The following CUX2 variants were observed in gnomAD, a reference collection of about 807,000 sequenced individuals.
The protein encoded by CUX2 is homeobox protein cut-like 2.
Under a neutral mutation model 144.8 loss-of-function variants are expected in CUX2, and 40 were observed. The observed-to-expected ratio is 0.28, with a 90% CI of 0.21 to 0.36. The LOEUF (loss-of-function observed/expected upper bound fraction) is 0.36, where lower values mean the gene tolerates loss of function less well. Ranked by LOEUF, CUX2 falls within the 10% of genes least tolerant of loss-of-function variation. The probability of loss-of-function intolerance (pLI) is 1.00; values close to 1 mark genes in which losing one functional copy is unlikely to be tolerated. For missense variants in CUX2, 1,615 were observed against 1,994.0 expected (o/e 0.81, Z 3.62); for synonymous variants, 827 against 875.6 (o/e 0.94, Z 0.98).
At position 111,068,172 on chromosome 12, in the gene CUX2, CA is replaced by C. The variant is rs1406832378; in HGVS notation, c.63+33939del. ...GTTCTCCCCGCTTTATCTTTGATCT[CA>C]AAAAAAGATCATCTTGGAAAAGATT... On this transcript the variant is annotated intron_variant, in intron 1 of 21. Coordinates refer to ENST00000261726, the MANE Select transcript of CUX2 (RefSeq NM_015267.4). This position sits in a 1 kb window ranked among gnomAD's most constrained non-coding sequence, Gnocchi z 4.9. Among the ~76,000 whole-genome samples, 1 of 152,154 alleles carries C rather than the reference CA, an allele frequency of 6.6e-6. No individual in the cohort carries two copies. Among genetic ancestry groups the C allele is most frequent in the African/African-American group, 2.4e-5 (1 of 41,524 alleles).
chr12:111,098,169 G>A (rs1872947186), intron 1 of CUX2, among the ~76,000 whole-genome samples: 1 of 152,136 alleles, frequency 6.6e-6, no homozygotes, highest in Non-Finnish European at 1.5e-5. Flanking sequence ...GGAGGCCGAG[G>A]CAAGTGGATC....
At chr12:111,054,553 A>AG (rs202170269) in intron 1 of CUX2, among the ~76,000 whole-genome samples, 5,999 of 152,270 alleles carry the variant, frequency 0.039, 404 homozygotes, top group African/African-American at 0.14. Flanking sequence ...GCACTTGCCA[A>AG]GGGTGGCTTA....
Position 111,057,101 on chromosome 12 carries a change from G to A in CUX2, c.63+22861G>A, listed in dbSNP as rs796325416. Among the ~76,000 whole-genome samples, 1 of 152,114 alleles carries A rather than the reference G, an allele frequency of 6.6e-6. No homozygotes were observed. The highest frequency in any genetic ancestry group is 1.5e-5 in the Non-Finnish European group (1 of 68,030). On this transcript the variant is annotated intron_variant, in intron 1 of 21. Coordinates refer to ENST00000261726, the MANE Select transcript of CUX2 (RefSeq NM_015267.4). This position sits in a 1 kb window ranked among gnomAD's most constrained non-coding sequence, Gnocchi z 5.1. ...GACAGGAAGTGGCCAAGTAGGGAGT[G>A]AGTGTGACAGAAAATGGCCAAGCTG...
intron 3 of CUX2, among the ~76,000 whole-genome samples, chr12:111,240,757 T>G (rs547071622): frequency 1.6e-4 from 25 of 152,340 alleles, no homozygotes; most frequent in Admixed American, 1.0e-3. Context: ...TCTGGGCTAC[T>G]GCACCTCCTG....
chr12:111,081,857 T>C (rs1220023832), intron 1 of CUX2, among the ~76,000 whole-genome samples: 1 of 151,866 alleles, frequency 6.6e-6, no homozygotes, highest in African/African-American at 2.4e-5. Context: ...TGCATCTCTG[T>C]TTTTTTTCCA....
At chr12:111,282,577 G>A (rs1885166890) in intron 4 of CUX2, among the ~76,000 whole-genome samples, 1 of 141,612 alleles carries the variant, frequency 7.1e-6, no homozygotes, top group Admixed American at 7.6e-5. Flanking sequence ...AGTGAGCTGA[G>A]ATCACACCAT....
At chr12:111,199,899 T>C (rs1418140571) in intron 1 of CUX2, among the ~76,000 whole-genome samples, 1 of 152,044 alleles carries the variant, frequency 6.6e-6, no homozygotes, top group East Asian at 1.9e-4. Context: ...TGTGTGTCCA[T>C]CTACAGTCAC....
chr12:111,216,768 C>A (rs1349204229), intron 2 of CUX2, among the ~76,000 whole-genome samples: 1 of 147,026 alleles, frequency 6.8e-6, no homozygotes, highest in African/African-American at 2.5e-5. Context: ...CCTGAAGGTC[C>A]CCAACATACA....
In CUX2 at chr12:111,304,684, A is replaced by G. The variant is rs1341645736; in HGVS notation, c.858+370A>G. 1.3e-5 allele frequency among the ~76,000 whole-genome samples: 2 copies of G among 152,142 alleles called. No individual in the cohort carries two copies. The highest frequency in any genetic ancestry group is 4.8e-5 in the African/African-American group (2 of 41,428). ...GATTTCCAGATGCACCAGCAAAGAC[A>G]TGGGGGAGAGGGAGTTTGAGGCAAT... On this transcript the variant is annotated intron_variant, in intron 10 of 21. Transcript: ENST00000261726. The surrounding 1 kb of genome is among the most constrained non-coding windows in gnomAD (Gnocchi z 4.7).
chr12:111,075,218 C>T (rs1468890995), intron 1 of CUX2, among the ~76,000 whole-genome samples: 3 of 152,178 alleles, frequency 2.0e-5, no homozygotes, highest in African/African-American at 4.8e-5. Context: ...GCCGTCAGAC[C>T]GCAGCCAACT....
intron 1 of CUX2, among the ~76,000 whole-genome samples, chr12:111,044,419 C>G (rs1869902177): frequency 6.6e-6 from 1 of 151,954 alleles, no homozygotes; most frequent in Non-Finnish European, 1.5e-5. Flanking sequence ...GCCCCTGTGG[C>G]CTCCTTGCTG....
In CUX2 at chr12:111,291,524, G is replaced by C. The variant is rs1885687394; in HGVS notation, c.408G>C (p.Lys136Asn). The change falls in exon 5 of 22, where the codon AAG becomes AAC. Residue 136 changes from lysine (K) to asparagine (N), a missense_variant. By Grantham distance (94) the Lys-to-Asn change is moderately conservative. Transcript: ENST00000261726. ...GGCGAGACCTCCACACTTCGTGGAAGAGGAACCCCGAGCTCCTCAGCCCCA... is the reference window on the plus strand; with the variant it reads ...GGCGAGACCTCCACACTTCGTGGAACAGGAACCCCGAGCTCCTCAGCCCCA... ...QPRRDLHTSW[K>N]RNPELLSPKE... is the part of the protein sequence containing the mutation. 1.9e-6 allele frequency: 3 copies of C among 1,611,102 alleles called. No homozygotes were observed. The South Asian group carries it at 3.3e-5, about 18-fold the overall frequency.
At chr12:111,297,441 C>T (rs1439409629) in intron 8 of CUX2, among the ~76,000 whole-genome samples, 1 of 152,206 alleles carries the variant, frequency 6.6e-6, no homozygotes, top group African/African-American at 2.4e-5. Context: ...ACACAGCTGT[C>T]ATTTGCTGTG....
At chr12:111,161,797 C>T (rs1163715130) in intron 1 of CUX2, among the ~76,000 whole-genome samples, 2 of 152,140 alleles carry the variant, frequency 1.3e-5, no homozygotes, top group Admixed American at 6.5e-5. Flanking sequence ...TGCAGTGGCA[C>T]GATCACAGCT....
At chr12:111,329,961 G>A (rs1330462801) in intron 18 of CUX2, among the ~76,000 whole-genome samples, 1 of 152,028 alleles carries the variant, frequency 6.6e-6, no homozygotes, top group Non-Finnish European at 1.5e-5. Flanking sequence ...TTTCCAGCTG[G>A]CCCCAGCCCC....
At position 111,263,735 on chromosome 12, in the gene CUX2, G is replaced by A. The variant is rs1884247256; in HGVS notation, c.223-26G>A. 6 of 1,588,094 alleles carry A rather than the reference G, an allele frequency of 3.8e-6. No homozygotes were observed. The highest frequency in any genetic ancestry group is 4.3e-6 in the Non-Finnish European group (5 of 1,156,852). On this transcript the variant is annotated intron_variant, in intron 3 of 21. Transcript: ENST00000261726. The surrounding 1 kb of genome is among the most constrained non-coding windows in gnomAD (Gnocchi z 4.0). ...AGACACAGATGCCATGGTTACACGT[G>A]ACTCTTTCTCTTGTTGTCTCCAAAG... is the stretch of plus-strand genomic sequence containing the variant.
At chr12:111,192,339 A>G (rs1256337868) in intron 1 of CUX2, among the ~76,000 whole-genome samples, 1 of 152,014 alleles carries the variant, frequency 6.6e-6, no homozygotes, top group Non-Finnish European at 1.5e-5. Flanking sequence ...CATGTTGGCC[A>G]GGCTGGTCTC....
At chr12:111,075,796 C>G (rs1871504828) in intron 1 of CUX2, among the ~76,000 whole-genome samples, 1 of 152,054 alleles carries the variant, frequency 6.6e-6, no homozygotes. Context: ...GTGATTTGCC[C>G]AGGGTCACTC....
At chr12:111,328,975 C>CTCTCTCTCTCTCTCTCTCTCT (rs1491501890) in intron 18 of CUX2, among the ~76,000 whole-genome samples, 45 of 65,634 alleles carry the variant, frequency 6.9e-4, no homozygotes, top group Non-Finnish European at 1.0e-3. Flanking sequence ...CTCTCTCTCT[C>CTCTCTCTCTCTCTCTCTCTCT]CCCCTCTCTC....
Sources: gnomAD v4.1 joint callset for allele counts (sites outside exome capture counted in the v4.1 genomes callset) on GRCh38, gnomAD v4.1.1 for gene constraint, Gnocchi (gnomAD v3.1) non-coding constraint, MANE v1.5 for transcripts, NCBI Gene and HGNC (gene_info 2026-07-23, HGNC 2026-07-21) for gene names.